The following DIS3L2 variants were observed in gnomAD, a reference collection of about 807,000 sequenced individuals.
DIS3L2 encodes DIS3 like 3'-5' exoribonuclease 2.
Under a neutral mutation model 97.5 loss-of-function variants are expected in DIS3L2, and 34 were observed. The ratio of observed to expected loss-of-function variants is 0.35; its 90% confidence interval spans 0.27 to 0.46. DIS3L2 has a LOEUF of 0.46. DIS3L2 is among the 20% of genes least tolerant of loss of function. DIS3L2 has a pLI of 1.00. For missense variants in DIS3L2, 1,038 were observed against 1,146.0 expected (o/e 0.91, Z 1.36); for synonymous variants, 435 against 445.2 (o/e 0.98, Z 0.29).
intron 5 of DIS3L2, among the ~76,000 whole-genome samples, chr2:232,086,285 A>G (rs891594017): frequency 6.7e-6 from 1 of 150,032 alleles, no homozygotes; most frequent in African/African-American, 2.5e-5. Flanking sequence ...ACATATACGT[A>G]TATATGTATA....
In DIS3L2 at chr2:232,024,261, A is replaced by T. The variant is rs754036208; in HGVS notation, c.211-16A>T. ...ATATAGCTAGATTTTCACAAACTTT[A>T]TTTTTTGTTTTAAAGGGTGTATTGA... On this transcript the variant is annotated splice_polypyrimidine_tract_variant and intron_variant, in intron 3 of 20. Transcript: ENST00000325385. 2 of 1,566,996 alleles carry T rather than the reference A, an allele frequency of 1.3e-6. No homozygotes were observed. Among genetic ancestry groups the T allele is most frequent in the Admixed American group, 3.8e-5 (2 of 52,476 alleles).
chr2:232,300,316 A>C (rs779002485), intron 14 of DIS3L2, among the ~76,000 whole-genome samples, 197 bp downstream of exon 14: 3 of 152,218 alleles, frequency 2.0e-5, no homozygotes, highest in Non-Finnish European at 2.9e-5. Flanking sequence ...AACTTGGAGC[A>C]CTTGCAGAGG....
intron 9 of DIS3L2, among the ~76,000 whole-genome samples, chr2:232,182,014 T>G (rs1340136958): frequency 1.3e-5 from 2 of 152,164 alleles, no homozygotes; most frequent in African/African-American, 4.8e-5. Context: ...TAGGGTGGTC[T>G]CGAGCTCCTG....
At chr2:232,034,336 G>A (rs140142390) in intron 5 of DIS3L2, among the ~76,000 whole-genome samples, 1,537 of 151,988 alleles carry the variant, frequency 0.01, 21 homozygotes, top group African/African-American at 0.035. Flanking sequence ...TTTCTAATGC[G>A]TCTATTTGAT....
chr2:232,063,787 C>G lies in DIS3L2; in HGVS notation c.367-23700C>G, dbSNP rs571169381. On this transcript the variant is annotated intron_variant, in intron 5 of 20. Transcript: ENST00000325385. ...ATTTCTAGGTGTTGATAGGCCAATACTAGCGATGTGGTTTTCGAAAATGCC... is the reference window on the plus strand; with the variant it reads ...ATTTCTAGGTGTTGATAGGCCAATAGTAGCGATGTGGTTTTCGAAAATGCC... 4.6e-5 allele frequency among the ~76,000 whole-genome samples: 7 copies of G among 152,226 alleles called. No homozygotes were observed. The South Asian group carries it at 1.2e-3, about 27-fold the overall frequency.
chr2:232,033,592 A>G (rs942978956), intron 5 of DIS3L2, among the ~76,000 whole-genome samples: 5 of 152,082 alleles, frequency 3.3e-5, no homozygotes, highest in Non-Finnish European at 5.9e-5. Context: ...ATTCAGTATG[A>G]TATTGGCTAT....
chr2:232,145,381 T>C (rs1690190506), intron 8 of DIS3L2, among the ~76,000 whole-genome samples: 1 of 152,222 alleles, frequency 6.6e-6, no homozygotes, highest in Non-Finnish European at 1.5e-5. Flanking sequence ...TCTTGCCATA[T>C]CCCCTTATTC....
rs1382714469 is a variant in DIS3L2 at position 232,049,974 on chromosome 2, C to A, written c.366+19894C>A. Among the ~76,000 whole-genome samples, 4 of 152,122 alleles carry A rather than the reference C, an allele frequency of 2.6e-5. No homozygotes were observed. In the East Asian group the frequency reaches 7.7e-4, roughly 29 times the overall value. The stretch of plus-strand genomic sequence containing the variant: ...TGTTTCTTTTCCTTTTGCTTGTAGC[C>A]AGACTTTTTGGACTCAGTGTCTATT... On this transcript the variant is annotated intron_variant, in intron 5 of 20. Transcript: ENST00000325385.
chr2:232,133,643 ACTTT>A (rs1379005119), intron 7 of DIS3L2, among the ~76,000 whole-genome samples: 1 of 152,164 alleles, frequency 6.6e-6, no homozygotes, highest in Non-Finnish European at 1.5e-5. Context: ...GCAATTAAAA[ACTTT>A]CTTGAAACCT....
chr2:232,259,868 G>A (rs1693671460), intron 12 of DIS3L2: 1 of 152,148 alleles, frequency 6.6e-6, no homozygotes, highest in South Asian at 2.1e-4. Context: ...CTGACATCAA[G>A]CAGTCCACCC....
intron 7 of DIS3L2, 53 bp downstream of exon 7, chr2:232,130,772 C>T (rs1037288259): frequency 6.2e-7 from 1 of 1,601,204 alleles, no homozygotes; most frequent in Non-Finnish European, 8.5e-7. Flanking sequence ...ACCTGAGCTA[C>T]TTGTTGAAGA....
Position 232,289,421 on chromosome 2 carries a change from C to T in DIS3L2, c.1660-10619C>T, listed in dbSNP as rs188988556. Among the ~76,000 whole-genome samples, 1,301 of 151,862 alleles carry T rather than the reference C, an allele frequency of 8.6e-3. 24 individuals carry two copies. Among genetic ancestry groups the T allele is most frequent in the Admixed American group, 0.048 (739 of 15,256 alleles). ...CCGAGTAGCTGGGATTACAAGTGCC[C>T]GCCACCACGCCCAGCTAATTTTTGT... On this transcript the variant is annotated intron_variant, in intron 13 of 20. Transcript: ENST00000325385.
intron 5 of DIS3L2, among the ~76,000 whole-genome samples, chr2:232,074,564 A>G (rs1481991284): frequency 7.1e-6 from 1 of 141,156 alleles, no homozygotes; most frequent in Non-Finnish European, 1.5e-5. Flanking sequence ...TAGCCCCATC[A>G]AGGAACCTTT....
rs961617765 is a variant in DIS3L2 at position 232,300,075 on chromosome 2, A to T, written c.1695A>T (p.Gly565=). 1.8e-5 allele frequency: 29 copies of T among 1,613,834 alleles called. No homozygotes were observed. The highest frequency in any genetic ancestry group is 2.5e-5 in the Non-Finnish European group (29 of 1,179,890). The change falls in exon 14 of 21, where the codon GGA becomes GGT. Residue 565 remains glycine, a synonymous_variant. Coordinates refer to ENST00000325385, the MANE Select transcript of DIS3L2 (RefSeq NM_152383.5). The part of the protein sequence containing the change: ...KLAFTLDHET[G]LPQGCHIYEY... ...CTTTCACTCTGGACCACGAGACCGG[A>T]TTGCCTCAAGGATGTCATATCTATG...
chr2:232,115,075 A>G (rs2106335634), intron 6 of DIS3L2, among the ~76,000 whole-genome samples: 1 of 152,212 alleles, frequency 6.6e-6, no homozygotes, highest in Non-Finnish European at 1.5e-5. Context: ...CCATTAATCC[A>G]TTAATGGATT....
chr2:232,007,785 C>T (rs753095464), intron 1 of DIS3L2, among the ~76,000 whole-genome samples: 2 of 152,074 alleles, frequency 1.3e-5, no homozygotes, highest in African/African-American at 2.4e-5. Flanking sequence ...TATCTGTTTA[C>T]AAGTTTTAGT....
At position 232,337,008 on chromosome 2, in the gene DIS3L2, G is replaced by A; in HGVS notation, c.*378G>A. On this transcript the variant is annotated 3_prime_UTR_variant, in exon 21 of 21. Coordinates refer to ENST00000325385, the MANE Select transcript of DIS3L2 (RefSeq NM_152383.5). ...TGTGTAGGGCGCCTCTGGGAAGCCT[G>A]GGCAGCAGAATGCCCCTTGCACCCA... 5.5e-6 allele frequency: 6 copies of A among 1,094,566 alleles called. No homozygotes were observed. Among genetic ancestry groups the A allele is most frequent in the Non-Finnish European group, 6.7e-6 (6 of 896,570 alleles). The allele number at this position is 1,094,566 out of a possible 1,614,324, so 67.8% of individuals were successfully genotyped here.
chr2:232,077,956 TC>T (rs1696249704), intron 5 of DIS3L2, among the ~76,000 whole-genome samples: 44 of 19,336 alleles, frequency 2.3e-3, no homozygotes, highest in Non-Finnish European at 3.5e-3. Flanking sequence ...TCTTTCTTTC[TC>T]TTTCTTTCTT....
rs2343830 is a variant in DIS3L2, at chr2:232,325,594, G to C, written c.1740-4219G>C. On this transcript the variant is annotated intron_variant, in intron 14 of 20. Coordinates refer to ENST00000325385, the MANE Select transcript of DIS3L2 (RefSeq NM_152383.5). This position sits in a 1 kb window ranked among gnomAD's most constrained non-coding sequence, Gnocchi z 4.6. The stretch of plus-strand genomic sequence containing the variant: ...TCCTGGCCCTGCAGCCACTGTCACA[G>C]CACAGCCCCACCCCAGACCTCCAGA... Among the ~76,000 whole-genome samples the C allele has an allele frequency of 1.1e-3, 161 of 152,284 alleles. No homozygotes were observed. Among genetic ancestry groups the C allele is most frequent in the Admixed American group, 3.7e-3 (57 of 15,302 alleles).
Sources: gnomAD v4.1 joint callset for allele counts (sites outside exome capture counted in the v4.1 genomes callset) on GRCh38, gnomAD v4.1.1 for gene constraint, Gnocchi (gnomAD v3.1) non-coding constraint, MANE v1.5 for transcripts, NCBI Gene and HGNC (gene_info 2026-07-23, HGNC 2026-07-21) for gene names.